Variants in SLAIN2 observed in about 807,000 individuals in gnomAD.
SLAIN2 encodes the protein SLAIN motif-containing protein 2.
SLAIN2 carries 31 observed loss-of-function variants against 56.6 expected under a neutral mutation model. That is an observed-to-expected ratio of 0.55 (90% CI 0.41 to 0.74). SLAIN2 has a LOEUF of 0.74. Among genes scored for constraint, SLAIN2 ranks in the 30% least tolerant of loss-of-function variants. The pLI is 0.00. For synonymous variants in SLAIN2, 317 were observed against 284.9 expected (o/e 1.11, Z -1.13); for missense variants, 777 against 754.2 (o/e 1.03, Z -0.35).
At chr4:48,394,445 C>A in intron 6 of SLAIN2, 3 of 643,974 alleles carry the variant, frequency 4.7e-6, no homozygotes, top group South Asian at 4.5e-5. Context: ...AGGATTCTAA[C>A]ATATTTGCAC....
chr4:48,352,616 C>G (rs1304842936), intron 1 of SLAIN2, among the ~76,000 whole-genome samples: 1 of 152,148 alleles, frequency 6.6e-6, no homozygotes, highest in East Asian at 1.9e-4. Context: ...AAAAATGTCT[C>G]CAGATGTTGC....
chr4:48,373,644 T>A (rs1428595817), intron 2 of SLAIN2, among the ~76,000 whole-genome samples: 1 of 152,020 alleles, frequency 6.6e-6, no homozygotes, highest in Non-Finnish European at 1.5e-5. Flanking sequence ...TATATATATA[T>A]AATAAAGGAA....
chr4:48,381,533 T>C (rs1452349779), intron 4 of SLAIN2, among the ~76,000 whole-genome samples: 2 of 152,190 alleles, frequency 1.3e-5, no homozygotes, highest in Non-Finnish European at 2.9e-5. Flanking sequence ...TGTCTTTTGT[T>C]AGGTGACTTT....
At chr4:48,394,371 T>C (rs1275681015) in intron 6 of SLAIN2, among the ~76,000 whole-genome samples, 19 of 152,346 alleles carry the variant, frequency 1.2e-4, no homozygotes, top group Admixed American at 1.2e-3. Context: ...TTAAAGTTTA[T>C]GTTCTATCCC....
intron 2 of SLAIN2, among the ~76,000 whole-genome samples, chr4:48,372,364 T>C (rs924946028): frequency 6.6e-6 from 1 of 152,218 alleles, no homozygotes; most frequent in African/African-American, 2.4e-5. Context: ...TTGTTGCCTG[T>C]AAGATCTCTG....
At chr4:48,419,351 G>A (rs543658010) in intron 6 of SLAIN2, among the ~76,000 whole-genome samples, 4 of 152,198 alleles carry the variant, frequency 2.6e-5, no homozygotes, top group Admixed American at 2.0e-4. Context: ...TGATCCGCCC[G>A]CCTCGGACTC....
intron 1 of SLAIN2, among the ~76,000 whole-genome samples, chr4:48,352,098 T>C (rs1226888897): frequency 1.4e-5 from 2 of 144,588 alleles, no homozygotes; most frequent in Non-Finnish European, 3.1e-5. Context: ...GGAGGAGAGT[T>C]TTTGAATATT....
chr4:48,413,104 T>C (rs1716908503), intron 6 of SLAIN2, among the ~76,000 whole-genome samples: 2 of 152,154 alleles, frequency 1.3e-5, no homozygotes, highest in African/African-American at 4.8e-5. Context: ...GACCTGCATC[T>C]GTAGTCCCAG....
At position 48,369,996 on chromosome 4, in the gene SLAIN2, A is replaced by C; in HGVS notation, c.537A>C (p.Ser179=). ...SLIHKLDQTM[S]ALKRQNLYNN... Reference sequence around the variant, plus strand: ...TCCACAAACTTGATCAAACTATGTCAGGTATGTCTATAATTTTGCTTGTAA... The same window carrying C: ...TCCACAAACTTGATCAAACTATGTCCGGTATGTCTATAATTTTGCTTGTAA... The change falls in exon 2 of 8, where the codon TCA becomes TCC. Residue 179 remains serine, a splice_region_variant and synonymous_variant. Coordinates refer to ENST00000264313, the MANE Select transcript of SLAIN2 (RefSeq NM_020846.2). 1.2e-6 allele frequency: 2 copies of C among 1,612,530 alleles called. No individual in the cohort carries two copies. The highest frequency in any genetic ancestry group is 1.7e-6 in the Non-Finnish European group (2 of 1,179,180).
chr4:48,406,280 AC>A (rs752664981), intron 6 of SLAIN2, among the ~76,000 whole-genome samples: 3 of 152,124 alleles, frequency 2.0e-5, no homozygotes, highest in Non-Finnish European at 2.9e-5. Context: ...GAGCTAGGAA[AC>A]GTGTAGGTTT....
At position 48,422,744 on chromosome 4, in the gene SLAIN2, T is replaced by A. The variant is rs1042692125; in HGVS notation, c.*667T>A. On this transcript the variant is annotated 3_prime_UTR_variant, in exon 8 of 8. Coordinates refer to ENST00000264313, the MANE Select transcript of SLAIN2 (RefSeq NM_020846.2). ...TAGCTCACATGTCACCACCACCAGA[T>A]AGTGTTACAGCATGTATCCATCATG... The A allele has an allele frequency of 8.5e-5, 13 of 152,306 alleles. No homozygotes were observed. The highest frequency in any genetic ancestry group is 2.7e-4 in the African/African-American group (11 of 41,472). The allele number at this position is 152,306 out of a possible 1,614,324, so 9.4% of individuals were successfully genotyped here.
chr4:48,380,894 T>C (rs1715954320), intron 4 of SLAIN2, among the ~76,000 whole-genome samples: 1 of 152,198 alleles, frequency 6.6e-6, no homozygotes, highest in Admixed American at 6.5e-5. Context: ...ATTAAGAAAC[T>C]AAAGTGTTTC....
In SLAIN2 at chr4:48,424,717, T is replaced by A. The variant is rs1022699336; in HGVS notation, c.*2640T>A. 2.0e-5 allele frequency: 3 copies of A among 152,094 alleles called. No homozygotes were observed. Among genetic ancestry groups the A allele is most frequent in the Non-Finnish European group, 4.4e-5 (3 of 67,970 alleles). 9.4% of individuals were successfully genotyped at this position (152,094 alleles called of 1,614,324 possible). A position where few individuals can be genotyped will look rare whatever the true frequency, so the allele number is the denominator to read the frequency against. The stretch of plus-strand genomic sequence containing the variant: ...TCACATTTTGTAAAACTGGGGACCA[T>A]TCATAATTGTCAGATACTTTTTAAA... On this transcript the variant is annotated 3_prime_UTR_variant, in exon 8 of 8. Coordinates refer to ENST00000264313, the MANE Select transcript of SLAIN2 (RefSeq NM_020846.2).
intron 6 of SLAIN2, among the ~76,000 whole-genome samples, chr4:48,415,410 G>GT (rs1436502116): frequency 1.7e-5 from 1 of 58,328 alleles, no homozygotes; most frequent in Non-Finnish European, 3.8e-5. Flanking sequence ...GGGGTTGTTT[G>GT]TTTTTTTCTT....
rs375732965 is a variant in SLAIN2 at position 48,382,659 on chromosome 4, A to G, written c.954A>G (p.Glu318=). The change falls in exon 5 of 8, where the codon GAA becomes GAG. Residue 318 remains glutamate, a synonymous_variant. Coordinates refer to ENST00000264313, the MANE Select transcript of SLAIN2 (RefSeq NM_020846.2). ...STRRGTFSDQ[E]LDAQSLDDED... ...GACGGGGTACTTTTAGTGATCAGGAACTTGATGCACAAAGTTTAGATGATG... is the reference window on the plus strand; with the variant it reads ...GACGGGGTACTTTTAGTGATCAGGAGCTTGATGCACAAAGTTTAGATGATG... The G allele has an allele frequency of 1.7e-3, 2,745 of 1,613,872 alleles. 18 individuals carry two copies. The highest frequency in any genetic ancestry group is 0.011 in the South Asian group (972 of 91,076).
In SLAIN2 at chr4:48,383,752, G is replaced by A. The variant is rs1445502434; in HGVS notation, c.1328G>A (p.Gly443Glu). The A allele has an allele frequency of 1.9e-6, 3 of 1,611,994 alleles. No individual in the cohort carries two copies. Among genetic ancestry groups the A allele is most frequent in the Non-Finnish European group, 2.5e-6 (3 of 1,178,800 alleles). The change falls in exon 6 of 8, where the codon GGA becomes GAA. Residue 443 changes from glycine to glutamate, a missense_variant. Transcript: ENST00000264313. ...SDSNFQVPNGGIPRMQPQASA... is the reference protein window; with the variant it reads ...SDSNFQVPNGEIPRMQPQASA... ...TCAAATTTTCAAGTGCCAAACGGAG[G>A]AATACCTCGTATGCAACCTCAGGCT...
intron 3 of SLAIN2, among the ~76,000 whole-genome samples, chr4:48,379,223 A>AT (rs1715909963): frequency 6.6e-6 from 1 of 152,162 alleles, no homozygotes; most frequent in African/African-American, 2.4e-5. Context: ...ATCTCTAAGG[A>AT]ATCTAATTTT....
chr4:48,353,669 G>GA (rs1479181544), intron 1 of SLAIN2, among the ~76,000 whole-genome samples: 1 of 152,144 alleles, frequency 6.6e-6, no homozygotes, highest in East Asian at 1.9e-4. Flanking sequence ...CTAAGCTGTG[G>GA]AGTATATCTG....
chr4:48,424,766 TAAAAA>T lies in SLAIN2; in HGVS notation c.*2696_*2700del, dbSNP rs796700410. The T allele has an allele frequency of 6.9e-6, 1 of 145,346 alleles. No individual in the cohort carries two copies. The highest frequency in any genetic ancestry group is 2.2e-4 in the South Asian group (1 of 4,616). The allele number at this position is 145,346 out of a possible 1,614,324, so 9.0% of individuals were successfully genotyped here. On this transcript the variant is annotated 3_prime_UTR_variant, in exon 8 of 8. Coordinates refer to ENST00000264313, the MANE Select transcript of SLAIN2 (RefSeq NM_020846.2). ...AAATTATCTCAATACATCACTTTTA[TAAAAA>T]AAAAAAGTTTTTTTGAAAGAAAATT... is the stretch of plus-strand genomic sequence containing the variant.
Sources: gnomAD v4.1 joint callset for allele counts (sites outside exome capture counted in the v4.1 genomes callset) on GRCh38, gnomAD v4.1.1 for gene constraint, MANE v1.5 for transcripts, NCBI Gene and HGNC (gene_info 2026-07-23, HGNC 2026-07-21) for gene names.